Variants in KBTBD11 observed in about 807,000 individuals in gnomAD.
KBTBD11 encodes kelch repeat and BTB domain-containing protein 11.
For synonymous variants in KBTBD11, 747 were observed against 499.0 expected, an observed-to-expected ratio of 1.50 and a Z score of -6.63; for missense variants, 1,390 against 1,001.8, an observed-to-expected ratio of 1.39 and a Z score of -5.23.
At chr8:1,987,930 T>C (rs1259206526) in intron 1 of KBTBD11, among the ~76,000 whole-genome samples, 1 of 152,100 alleles carries the variant, frequency 6.6e-6, no homozygotes, top group African/African-American at 2.4e-5. Flanking sequence ...CCCCGCCCTG[T>C]TTCCAAGTGA....
Position 2,001,679 on chromosome 8 carries a change from G to T in KBTBD11, c.487G>T (p.Asp163Tyr). ...CAAGGCGGTGCTGGCGGCGCGCAGC[G>T]ACTACTTCCGCGCGCGCGCGTCGCG... ...AHKAVLAARS[D>Y]YFRARASRDV... The change falls in exon 2 of 2, where the codon GAC (aspartate) becomes TAC (tyrosine). Residue 163 changes from aspartate (D) to tyrosine (Y), a missense_variant. Transcript: ENST00000320248. The T allele has an allele frequency of 1.4e-6, 2 of 1,452,334 alleles. No homozygotes were observed. Among genetic ancestry groups the T allele is most frequent in the Non-Finnish European group, 1.8e-6 (2 of 1,107,116 alleles). 90.0% of individuals were successfully genotyped at this position (1,452,334 alleles called of 1,614,324 possible).
chr8:1,982,287 T>G (rs1027952951), intron 1 of KBTBD11, among the ~76,000 whole-genome samples: 1 of 152,014 alleles, frequency 6.6e-6, no homozygotes, highest in African/African-American at 2.4e-5. Context: ...AATCAAAGCA[T>G]ACCACAAGAG....
intron 1 of KBTBD11, among the ~76,000 whole-genome samples, chr8:1,994,798 C>T (rs560186182): frequency 1.3e-5 from 2 of 152,282 alleles, no homozygotes; most frequent in Non-Finnish European, 2.9e-5. Context: ...GTGGCTGACG[C>T]CTGTAATCCC....
rs149569842 is a variant in KBTBD11 at position 1,994,092 on chromosome 8, G to T, written c.-908-6193G>T. 2.3e-3 allele frequency among the ~76,000 whole-genome samples: 347 copies of T among 152,228 alleles called. 5 individuals are homozygous for T. The highest frequency in any genetic ancestry group is 0.021 in the South Asian group (101 of 4,830). ...TCAATACTTCGTTTACCGGCCTACG[G>T]AGCTTAGACTTCAAGAATATCTATT... is the stretch of plus-strand genomic sequence containing the variant. On this transcript the variant is annotated intron_variant, in intron 1 of 1. Coordinates refer to ENST00000320248, the MANE Select transcript of KBTBD11 (RefSeq NM_014867.3).
rs185082682 is a variant in KBTBD11 at position 1,998,777 on chromosome 8, C to G, written c.-908-1508C>G. Among the ~76,000 whole-genome samples, 28 of 143,508 alleles carry G rather than the reference C, an allele frequency of 2.0e-4. No homozygotes were observed. The East Asian group carries it at 4.2e-3, about 22-fold the overall frequency. The allele number at this position is 143,508 out of a possible 152,430, so 94.1% of individuals were successfully genotyped here. On this transcript the variant is annotated intron_variant, in intron 1 of 1. Coordinates refer to ENST00000320248, the MANE Select transcript of KBTBD11 (RefSeq NM_014867.3). Reference sequence around the variant, plus strand: ...TAGAGAAGTTTGTCTTAGATTTGCTCTCTCTCTCCTTTGCATGACTCAGCT... The same window carrying G: ...TAGAGAAGTTTGTCTTAGATTTGCTGTCTCTCTCCTTTGCATGACTCAGCT...
Position 1,973,836 on chromosome 8 carries a change from G to C in KBTBD11, c.-1008G>C, listed in dbSNP as rs1214905704. ...CAGGTGCTCGGAGAGGCCGGGCCGC[G>C]GCTCCCACAGGTGCCGGGAAGCGGC... On this transcript the variant is annotated 5_prime_UTR_variant, in exon 1 of 2. Coordinates refer to ENST00000320248, the MANE Select transcript of KBTBD11 (RefSeq NM_014867.3). 9 of 983,124 alleles carry C rather than the reference G, an allele frequency of 9.2e-6. No individual in the cohort carries two copies. Among genetic ancestry groups the C allele is most frequent in the Non-Finnish European group, 9.6e-6 (8 of 829,084 alleles). 60.9% of individuals were successfully genotyped at this position (983,124 alleles called of 1,614,324 possible).
At chr8:1,982,761 T>A (rs895479454) in intron 1 of KBTBD11, among the ~76,000 whole-genome samples, 3 of 151,836 alleles carry the variant, frequency 2.0e-5, no homozygotes, top group African/African-American at 7.3e-5. Context: ...TTTTTTTTTT[T>A]AGACAGGATC....
In KBTBD11 at chr8:1,994,993, A is replaced by C. The variant is rs371739900; in HGVS notation, c.-908-5292A>C. Among the ~76,000 whole-genome samples, 39 of 144,068 alleles carry C rather than the reference A, an allele frequency of 2.7e-4. No individual in the cohort carries two copies. The South Asian group carries it at 8.8e-3, about 32-fold the overall frequency. The allele number at this position is 144,068 out of a possible 152,430, so 94.5% of individuals were successfully genotyped here. A position where few individuals can be genotyped will look rare whatever the true frequency, so the allele number is the denominator to read the frequency against. The stretch of plus-strand genomic sequence containing the variant: ...AGAATCCCTTGAACCCAGGAGGCAG[A>C]GGTTGCAGTGAGCCGAGATGGTGCC... On this transcript the variant is annotated intron_variant, in intron 1 of 1. Coordinates refer to ENST00000320248, the MANE Select transcript of KBTBD11 (RefSeq NM_014867.3).
At position 2,003,218 on chromosome 8, in the gene KBTBD11, G is replaced by C. The variant is rs1049954698; in HGVS notation, c.*154G>C. On this transcript the variant is annotated 3_prime_UTR_variant, in exon 2 of 2. Coordinates refer to ENST00000320248, the MANE Select transcript of KBTBD11 (RefSeq NM_014867.3). ...GAGCCCCGAGGACGCTCTCAGGGCC[G>C]CTTTCGCTTTGCTTTCCTTTTGCTT... is the stretch of plus-strand genomic sequence containing the variant. The C allele has an allele frequency of 3.4e-6, 4 of 1,160,026 alleles. No homozygotes were observed. The highest frequency in any genetic ancestry group is 1.6e-5 in the African/African-American group (1 of 62,602). The allele number at this position is 1,160,026 out of a possible 1,614,324, so 71.9% of individuals were successfully genotyped here.
At chr8:1,975,147 C>T (rs1393146347) in intron 1 of KBTBD11, 1 of 152,250 alleles carries the variant, frequency 6.6e-6, no homozygotes, top group South Asian at 2.1e-4. Flanking sequence ...TTTGCTCCAG[C>T]AACAACCTCG....
intron 1 of KBTBD11, among the ~76,000 whole-genome samples, chr8:1,989,268 G>T (rs1242019435): frequency 2.0e-5 from 3 of 152,238 alleles, no homozygotes; most frequent in African/African-American, 7.2e-5. Flanking sequence ...CCTAGAGTAA[G>T]ATTTGTACTC....
intron 1 of KBTBD11, among the ~76,000 whole-genome samples, chr8:1,983,232 T>C (rs1185970346): frequency 6.6e-6 from 1 of 152,184 alleles, no homozygotes; most frequent in African/African-American, 2.4e-5. Context: ...CAGTGAATCC[T>C]GCCGCCTCTG....
rs1817353404 is a variant in KBTBD11, at chr8:2,001,490, C to A, written c.298C>A (p.Pro100Thr). ...CGCGTCCCCTGAGGAGCGCGCGTGC[C>A]CGGAAGAGCCCGCGGCGCCGTCCCC... ...ELASPEERAC[P>T]EEPAAPSPEP... The change falls in exon 2 of 2, where the codon CCG becomes ACG. Residue 100 changes from proline to threonine, a missense_variant. Pro to Thr is a conservative substitution (Grantham distance 38). Coordinates refer to ENST00000320248, the MANE Select transcript of KBTBD11 (RefSeq NM_014867.3). 1 of 1,384,424 alleles carries A rather than the reference C, an allele frequency of 7.2e-7. No homozygotes were observed. Among genetic ancestry groups the A allele is most frequent in the Non-Finnish European group, 9.3e-7 (1 of 1,075,818 alleles). The allele number at this position is 1,384,424 out of a possible 1,614,324, so 85.8% of individuals were successfully genotyped here.
chr8:1,976,871 G>A (rs1585716238), intron 1 of KBTBD11, among the ~76,000 whole-genome samples: 1 of 152,192 alleles, frequency 6.6e-6, no homozygotes, highest in Non-Finnish European at 1.5e-5. Flanking sequence ...GCCCTGTGGT[G>A]AGGACTAGAG....
In KBTBD11 at chr8:2,002,890, C is replaced by G. The variant is rs906475385; in HGVS notation, c.1698C>G (p.Ser566Arg). The G allele has an allele frequency of 1.4e-5, 19 of 1,325,048 alleles. No individual in the cohort carries two copies. Among genetic ancestry groups the G allele is most frequent in the African/African-American group, 1.5e-5 (1 of 64,654 alleles). 82.1% of individuals were successfully genotyped at this position (1,325,048 alleles called of 1,614,324 possible). A position where few individuals can be genotyped will look rare whatever the true frequency, so the allele number is the denominator to read the frequency against. Residue 566 changes from serine to arginine, a missense_variant, in exon 2 of 2, where the codon AGC (serine) becomes AGG (arginine). By Grantham distance (110) the Ser-to-Arg change is moderately radical. Coordinates refer to ENST00000320248, the MANE Select transcript of KBTBD11 (RefSeq NM_014867.3). This position sits in a 1 kb window ranked among gnomAD's most constrained non-coding sequence, Gnocchi z 4.1. ...AALDGAIYCVSRAGTWRFQPA... is the reference protein window; with the variant it reads ...AALDGAIYCVRRAGTWRFQPA... ...TGGACGGCGCCATCTACTGCGTGAG[C>G]CGCGCGGGCACCTGGCGCTTCCAGC...
chr8:1,974,192 C>CGGTGGGTGGT, intron 1 of KBTBD11: 1 of 552,966 alleles, frequency 1.8e-6, no homozygotes, highest in Non-Finnish European at 2.1e-6. Flanking sequence ...GGGTGGGCGG[C>CGGTGGGTGGT]GGTGGGTGGT....
intron 1 of KBTBD11, among the ~76,000 whole-genome samples, chr8:1,999,104 C>G (rs1817250774): frequency 6.6e-6 from 1 of 152,206 alleles, no homozygotes; most frequent in African/African-American, 2.4e-5. Flanking sequence ...CAATTCTATG[C>G]ACATAGGGAG....
intron 1 of KBTBD11, among the ~76,000 whole-genome samples, chr8:1,975,537 A>T (rs938087183): frequency 6.6e-6 from 1 of 152,246 alleles, no homozygotes; most frequent in Non-Finnish European, 1.5e-5. Flanking sequence ...AGTGGAGCAC[A>T]GGTGTGTAGC....
chr8:1,991,079 GGCGCCCTGTCCGGGTAGATGCTGCC>G (rs1816897026), intron 1 of KBTBD11, among the ~76,000 whole-genome samples: 2 of 140,454 alleles, frequency 1.4e-5, no homozygotes, highest in African/African-American at 5.5e-5. Context: ...GCGGGGCCTT[GGCGCCCTGTCCGGGTAGATGCTGCC>G]GGGCCTTGGC....
Sources: gnomAD v4.1 joint callset for allele counts (sites outside exome capture counted in the v4.1 genomes callset) on GRCh38, gnomAD v4.1.1 for gene constraint, Gnocchi (gnomAD v3.1) non-coding constraint, MANE v1.5 for transcripts, NCBI Gene and HGNC (gene_info 2026-07-23, HGNC 2026-07-21) for gene names.